The following FARS2 variants were observed in gnomAD, a reference collection of about 807,000 sequenced individuals.
FARS2 encodes phenylalanine--tRNA ligase, mitochondrial.
Under a neutral mutation model 46.4 loss-of-function variants are expected in FARS2, and 40 were observed. The observed-to-expected ratio is 0.86, with a 90% CI of 0.67 to 1.12. The LOEUF (loss-of-function observed/expected upper bound fraction) is 1.12, where lower values mean the gene tolerates loss of function less well. Among genes scored for constraint, FARS2 ranks in the 50% most tolerant of loss-of-function variants. The probability of loss-of-function intolerance (pLI) is 0.00; values close to 1 mark genes in which losing one functional copy is unlikely to be tolerated. For synonymous variants in FARS2, 234 were observed against 214.9 expected (o/e 1.09, Z -0.78); for missense variants, 513 against 567.9 (o/e 0.90, Z 0.98).
intron 6 of FARS2, among the ~76,000 whole-genome samples, chr6:5,703,489 A>G (rs1758564145): frequency 1.3e-5 from 2 of 152,180 alleles, no homozygotes; most frequent in South Asian, 4.1e-4. Flanking sequence ...ATCCCATTGT[A>G]TTCTTAGTAA....
intron 6 of FARS2, among the ~76,000 whole-genome samples, chr6:5,654,493 G>A (rs575692204): frequency 1.3e-5 from 2 of 152,170 alleles, no homozygotes; most frequent in South Asian, 2.1e-4. Context: ...TGCCTCTGGG[G>A]TTAGGATACT....
intron 1 of FARS2, among the ~76,000 whole-genome samples, chr6:5,288,785 AAG>A (rs1233977912): frequency 5.3e-5 from 8 of 152,202 alleles, no homozygotes; most frequent in African/African-American, 9.7e-5. Context: ...CTGGCTTTTT[AAG>A]ACATAGGTGA....
intron 6 of FARS2, among the ~76,000 whole-genome samples, chr6:5,681,610 A>G (rs370121190): frequency 1.3e-5 from 2 of 152,272 alleles, no homozygotes; most frequent in East Asian, 1.9e-4. Flanking sequence ...AAGCATTTTA[A>G]CAACGAAAGG....
chr6:5,405,862 A>G (rs1761560277), intron 3 of FARS2, among the ~76,000 whole-genome samples: 1 of 152,156 alleles, frequency 6.6e-6, no homozygotes, highest in South Asian at 2.1e-4. Context: ...ACTGATTACC[A>G]CTATCAACAG....
intron 6 of FARS2, among the ~76,000 whole-genome samples, chr6:5,631,721 A>G (rs1325831734): frequency 2.6e-5 from 4 of 152,236 alleles, no homozygotes; most frequent in African/African-American, 4.8e-5. Flanking sequence ...GACCCGCTTT[A>G]TGCATTTTAC....
intron 6 of FARS2, among the ~76,000 whole-genome samples, chr6:5,735,444 C>T (rs1760887102): frequency 2.6e-5 from 4 of 152,188 alleles, no homozygotes; most frequent in Admixed American, 2.6e-4. Flanking sequence ...AGGAAGACAG[C>T]TCCAGGCCCA....
At chr6:5,397,105 G>T (rs1179550131) in intron 2 of FARS2, among the ~76,000 whole-genome samples, 1 of 152,120 alleles carries the variant, frequency 6.6e-6, no homozygotes, top group Non-Finnish European at 1.5e-5. Flanking sequence ...AATAAAAATG[G>T]TTTTTAACAA....
intron 5 of FARS2, among the ~76,000 whole-genome samples, chr6:5,558,195 G>A (rs12201749): frequency 1.3e-5 from 2 of 152,104 alleles, no homozygotes; most frequent in Non-Finnish European, 2.9e-5. Context: ...AAGAACAAAC[G>A]CATTTCTTCA....
At chr6:5,412,341 C>G (rs1446409402) in intron 3 of FARS2, among the ~76,000 whole-genome samples, 1 of 152,228 alleles carries the variant, frequency 6.6e-6, no homozygotes, top group East Asian at 1.9e-4. Context: ...GCTGTCTGCT[C>G]CAGACCTCTG....
At chr6:5,348,335 GATGT>G (rs1757365643) in intron 1 of FARS2, among the ~76,000 whole-genome samples, 1 of 151,410 alleles carries the variant, frequency 6.6e-6, no homozygotes, top group African/African-American at 2.4e-5. Flanking sequence ...ATCTTGAATG[GATGT>G]ATGTGTGTGC....
chr6:5,392,128 G>T (rs778856228), intron 2 of FARS2, among the ~76,000 whole-genome samples: 10 of 152,192 alleles, frequency 6.6e-5, no homozygotes, highest in Non-Finnish European at 7.3e-5. Flanking sequence ...GGAATCAAGG[G>T]TGAGATTGGT....
intron 2 of FARS2, among the ~76,000 whole-genome samples, chr6:5,371,472 CAAT>C (rs1291482656): frequency 1.3e-5 from 2 of 151,888 alleles, no homozygotes; most frequent in East Asian, 1.9e-4. Flanking sequence ...GGTAAAAAAA[CAAT>C]GATAAGTATA....
rs115331343 is a variant in FARS2 at position 5,387,369 on chromosome 6, A to G, written c.613-17173A>G. Among the ~76,000 whole-genome samples, 570 of 152,340 alleles carry G rather than the reference A, an allele frequency of 3.7e-3. 2 individuals are homozygous for G. The highest frequency in any genetic ancestry group is 0.017 in the Middle Eastern group (5 of 294). ...AAAGGTAGGAATGAAGGATTGAAGC[A>G]TGGCTGCAGAAAAGGCACAGATGTT... On this transcript the variant is annotated intron_variant, in intron 2 of 6. Coordinates refer to ENST00000274680, the MANE Select transcript of FARS2 (RefSeq NM_006567.5).
intron 5 of FARS2, among the ~76,000 whole-genome samples, chr6:5,576,648 C>T (rs1195865943): frequency 1.6e-5 from 1 of 62,782 alleles, no homozygotes; most frequent in African/African-American, 5.7e-5. Flanking sequence ...TATATATATC[C>T]TATTAGTTCT....
At chr6:5,496,543 G>T (rs79062083) in intron 4 of FARS2, among the ~76,000 whole-genome samples, 1 of 152,140 alleles carries the variant, frequency 6.6e-6, no homozygotes, top group African/African-American at 2.4e-5. Context: ...TAGTTCTGGA[G>T]GCTACAAATC....
At chr6:5,711,713 T>C (rs1453771051) in intron 6 of FARS2, among the ~76,000 whole-genome samples, 1 of 152,174 alleles carries the variant, frequency 6.6e-6, no homozygotes, top group Non-Finnish European at 1.5e-5. Context: ...AAATAGTCAA[T>C]GCCACCCAAA....
chr6:5,260,611 G>GGCCCCC, upstream of FARS2: 1 of 1,377,682 alleles, frequency 7.3e-7, no homozygotes, highest in Non-Finnish European at 9.8e-7. Flanking sequence ...CCGGCCCCTG[G>GGCCCCC]CCCCCCGCCC....
At chr6:5,478,806 C>T (rs548451214) in intron 4 of FARS2, among the ~76,000 whole-genome samples, 3 of 152,202 alleles carry the variant, frequency 2.0e-5, no homozygotes, top group East Asian at 3.9e-4. Flanking sequence ...TTTGTTCATT[C>T]CCTCTTGGTG....
chr6:5,771,295 C>G lies in FARS2; in HGVS notation c.1222C>G (p.His408Asp). Residue 408 changes from histidine (H) to aspartate (D), a missense_variant, in exon 7 of 7, where the codon CAC becomes GAC. Physicochemically the swap from His to Asp is moderately conservative, Grantham distance 81. Transcript: ENST00000274680. ...LIDKFVHPKTHKTSHCYRITY... is the reference protein window; with the variant it reads ...LIDKFVHPKTDKTSHCYRITY... ...GTGTTCTCTTCCTCTCTGTAGGACG[C>G]ACAAGACCAGCCACTGCTACCGCAT... 6.2e-7 allele frequency: 1 copy of G among 1,614,150 alleles called. No individual in the cohort carries two copies. The highest frequency in any genetic ancestry group is 8.5e-7 in the Non-Finnish European group (1 of 1,180,002).
Sources: gnomAD v4.1 joint callset for allele counts (sites outside exome capture counted in the v4.1 genomes callset) on GRCh38, gnomAD v4.1.1 for gene constraint, MANE v1.5 for transcripts, NCBI Gene and HGNC (gene_info 2026-07-23, HGNC 2026-07-21) for gene names.